Variants in DOP1A observed in about 807,000 individuals in gnomAD.
DOP1A encodes DOP1 leucine zipper like protein A, also known as protein DOP1A.
Under a neutral mutation model 267.6 loss-of-function variants are expected in DOP1A, and 90 were observed. The observed-to-expected ratio is 0.34, with a 90% CI of 0.28 to 0.40. DOP1A has a LOEUF of 0.40. DOP1A is among the 10% of genes least tolerant of loss of function. DOP1A has a pLI of 1.00. For synonymous variants in DOP1A, 932 were observed against 999.1 expected (o/e 0.93, Z 1.27); for missense variants, 2,437 against 2,900.4 (o/e 0.84, Z 3.67).
chr6:83,148,281 G>A (rs1456282248), intron 26 of DOP1A, among the ~76,000 whole-genome samples: 1 of 151,902 alleles, frequency 6.6e-6, no homozygotes, highest in Non-Finnish European at 1.5e-5. Flanking sequence ...GCATGGCAGC[G>A]CACGCCTGTA....
In DOP1A at chr6:83,129,435, G is replaced by A. The variant is rs766589342; in HGVS notation, c.2268G>A (p.Glu756=). The A allele has an allele frequency of 8.2e-5, 130 of 1,593,352 alleles. No individual in the cohort carries two copies. Among genetic ancestry groups the A allele is most frequent in the Non-Finnish European group, 1.1e-4 (130 of 1,174,078 alleles). ...TTGCTGCCTGTCAGCTCTTCCTAGA[G>A]TGCTCAAGTTTCCCAGTTTACATTG... ...AFLAACQLFL[E]CSSFPVYIAE... is the part of the protein sequence containing the mutation. The change falls in exon 16 of 39, where the codon GAG becomes GAA. Residue 756 remains glutamate (E), a synonymous_variant. Transcript: ENST00000349129.
At position 83,121,973 on chromosome 6, in the gene DOP1A, A is replaced by G. The variant is rs371905348; in HGVS notation, c.1143A>G (p.Thr381=). Residue 381 remains threonine (T), a synonymous_variant, in exon 11 of 39, where the codon ACA becomes ACG. Coordinates refer to ENST00000349129, the MANE Select transcript of DOP1A (RefSeq NM_015018.4). ...LEDVLIEVFR[T]LYSQCKAELD... is the part of the protein sequence containing the mutation. Reference sequence around the variant, plus strand: ...ATGTCCTGATTGAAGTGTTTAGAACATTATATTCTCAATGCAAAGCAGAGT... The same window carrying G: ...ATGTCCTGATTGAAGTGTTTAGAACGTTATATTCTCAATGCAAAGCAGAGT... 5.8e-5 allele frequency: 93 copies of G among 1,611,312 alleles called. 1 individual carries two copies. The highest frequency in any genetic ancestry group is 5.0e-4 in the Admixed American group (30 of 59,900).
At chr6:83,069,965 G>A (rs1279128342) in intron 1 of DOP1A, among the ~76,000 whole-genome samples, 1 of 152,194 alleles carries the variant, frequency 6.6e-6, no homozygotes, top group Non-Finnish European at 1.5e-5. Context: ...ATGGAAAAGA[G>A]CTAAAGGCTA....
chr6:83,132,686 A>T (rs1047526500), intron 18 of DOP1A, among the ~76,000 whole-genome samples: 6 of 152,144 alleles, frequency 3.9e-5, no homozygotes, highest in Non-Finnish European at 7.4e-5. Context: ...GGATTTATTA[A>T]CTAATATATA....
intron 5 of DOP1A, among the ~76,000 whole-genome samples, chr6:83,109,718 A>G (rs1172435167): frequency 1.3e-5 from 2 of 152,208 alleles, no homozygotes; most frequent in Admixed American, 1.3e-4. Flanking sequence ...GCAATGCATG[A>G]TGGCATTAAG....
intron 1 of DOP1A, among the ~76,000 whole-genome samples, chr6:83,089,871 G>A (rs1477322320): frequency 6.6e-6 from 1 of 152,030 alleles, no homozygotes; most frequent in East Asian, 1.9e-4. Flanking sequence ...TTGTGGTGAT[G>A]GTTTTATGGG....
In DOP1A at chr6:83,151,534, C is replaced by T. The variant is rs372789098; in HGVS notation, c.5838-59C>T. 5.1e-6 allele frequency: 7 copies of T among 1,364,404 alleles called. No homozygotes were observed. In the African/African-American group the frequency reaches 5.8e-5, roughly 11 times the overall value. 84.5% of individuals were successfully genotyped at this position (1,364,404 alleles called of 1,614,324 possible). ...CTTAACTCATCGTGAGAAATTAGAT[C>T]GCATTAGTTTCTTTTAGCCTGATAT... is the stretch of plus-strand genomic sequence containing the variant. On this transcript the variant is annotated intron_variant, in intron 27 of 38. Transcript: ENST00000349129.
At chr6:83,068,742 G>T (rs1257435297) in intron 1 of DOP1A, among the ~76,000 whole-genome samples, 1 of 152,170 alleles carries the variant, frequency 6.6e-6, no homozygotes, top group Non-Finnish European at 1.5e-5. Context: ...ACATACGTCG[G>T]CATTATGTGC....
intron 1 of DOP1A, among the ~76,000 whole-genome samples, chr6:83,084,724 A>G (rs1768763173): frequency 1.3e-5 from 2 of 151,132 alleles, no homozygotes; most frequent in South Asian, 2.1e-4. Flanking sequence ...CTGGGATTAC[A>G]GGCACGCACC....
chr6:83,170,380 G>A (rs34873318), downstream of DOP1A: 5,311 of 1,614,108 alleles, frequency 3.3e-3, 145 homozygotes, highest in African/African-American at 0.057. Context: ...GAGAAAGCTT[G>A]TACTTCTTCA....
intron 23 of DOP1A, 152 bp from the exon 24 acceptor site, chr6:83,141,769 C>T (rs899920943): frequency 1.6e-6 from 1 of 616,948 alleles, no homozygotes; most frequent in East Asian, 3.5e-5. Context: ...CATATTGTAG[C>T]TCTTAACGTT....
At chr6:83,091,056 AAGGAGG>A (rs1378852632) in intron 1 of DOP1A, among the ~76,000 whole-genome samples, 3 of 151,964 alleles carry the variant, frequency 2.0e-5, no homozygotes, top group East Asian at 3.9e-4. Context: ...TGGGGAAGGC[AAGGAGG>A]AGCAAGTCAC....
intron 16 of DOP1A, 49 bp downstream of exon 16, chr6:83,129,557 T>C: frequency 7.2e-7 from 1 of 1,383,620 alleles, no homozygotes; most frequent in Non-Finnish European, 9.4e-7. Flanking sequence ...CTGTAGTATG[T>C]TTTTTCTTTT....
rs55855143 is a variant in DOP1A, at chr6:83,097,267, A to G, written c.138+152A>G. 559 of 810,644 alleles carry G rather than the reference A, an allele frequency of 6.9e-4. 4 individuals carry two copies. The African/African-American group carries it at 8.6e-3, about 12-fold the overall frequency. 50.2% of individuals were successfully genotyped at this position (810,644 alleles called of 1,614,324 possible). Reference sequence around the variant, plus strand: ...AGTGCTATTTTTCTTCATGAGTTGCATGCCTGTGTAGTCAAGCATATTAAG... The same window carrying G: ...AGTGCTATTTTTCTTCATGAGTTGCGTGCCTGTGTAGTCAAGCATATTAAG... On this transcript the variant is annotated intron_variant, in intron 3 of 38. Coordinates refer to ENST00000349129, the MANE Select transcript of DOP1A (RefSeq NM_015018.4).
rs550149265 is a variant in DOP1A, at chr6:83,167,514, A to G, written c.7093-348A>G. 131 of 1,014,480 alleles carry G rather than the reference A, an allele frequency of 1.3e-4. 4 individuals carry two copies. The South Asian group carries it at 2.5e-3, about 19-fold the overall frequency. 62.8% of individuals were successfully genotyped at this position (1,014,480 alleles called of 1,614,324 possible). A position where few individuals can be genotyped will look rare whatever the true frequency, so the allele number is the denominator to read the frequency against. ...ATTTTGTGACCTAGTCCTTGGTTAC[A>G]GTAGTGAGGGTTCAGAAACCTGGGA... On this transcript the variant is annotated intron_variant, in intron 38 of 38. Transcript: ENST00000349129.
chr6:83,141,218 A>C (rs895818557), intron 23 of DOP1A, among the ~76,000 whole-genome samples: 1 of 152,238 alleles, frequency 6.6e-6, no homozygotes, highest in African/African-American at 2.4e-5. Flanking sequence ...ATGTTACATA[A>C]TTGAACAAAT....
intron 14 of DOP1A, 81 bp from the exon 15 acceptor site, chr6:83,125,419 T>C: frequency 7.8e-7 from 1 of 1,277,546 alleles, no homozygotes; most frequent in Non-Finnish European, 1.1e-6. Context: ...AGTAAAATCA[T>C]TGCCTATTTA....
Position 83,167,911 on chromosome 6 carries a change from G to A in DOP1A, c.7142G>A (p.Gly2381Glu), listed in dbSNP as rs774078724. ...NSGRTLGWEP[G>E]HLLLTICTVR... ...GGGAGAACATTGGGTTGGGAGCCAGGGCACTTGCTGCTCACCATCTGCACC... is the reference window on the plus strand; with the variant it reads ...GGGAGAACATTGGGTTGGGAGCCAGAGCACTTGCTGCTCACCATCTGCACC... The change falls in exon 39 of 39, where the codon GGG (glycine) becomes GAG (glutamate). Residue 2381 changes from glycine (G) to glutamate (E), a missense_variant. By Grantham distance (98) the Gly-to-Glu change is moderately conservative. Transcript: ENST00000349129. 9 of 1,613,634 alleles carry A rather than the reference G, an allele frequency of 5.6e-6. 1 individual carries two copies. In the Admixed American group the frequency reaches 1.5e-4, roughly 27 times the overall value.
chr6:83,125,408 G>A (rs886393998), intron 14 of DOP1A, 92 bp from the exon 15 acceptor site: 2 of 1,184,920 alleles, frequency 1.7e-6, no homozygotes, highest in Non-Finnish European at 2.4e-6. Context: ...CATTATGGAT[G>A]AGTAAAATCA....
Sources: allele counts gnomAD v4.1 joint callset (sites outside exome capture counted in the v4.1 genomes callset), GRCh38; gene constraint gnomAD v4.1.1; transcripts MANE v1.5; gene names NCBI Gene and HGNC (gene_info 2026-07-23, HGNC 2026-07-21).